PPARD: variants seen among roughly 807,000 people sequenced by gnomAD.
PPARD encodes peroxisome proliferator-activated receptor delta.
In PPARD, 6 loss-of-function variants were observed where a neutral mutation model predicts 39.5. The observed-to-expected ratio is 0.15, with a 90% CI of 0.08 to 0.30. PPARD has a LOEUF of 0.30. Among genes scored for constraint, PPARD ranks in the 10% least tolerant of loss-of-function variants. The probability of loss-of-function intolerance (pLI) is 1.00; values close to 1 mark genes in which losing one functional copy is unlikely to be tolerated. For missense variants in PPARD, 397 were observed against 596.8 expected (o/e 0.67, Z 3.49); for synonymous variants, 210 against 231.3 (o/e 0.91, Z 0.83).
intron 2 of PPARD, among the ~76,000 whole-genome samples, chr6:35,355,280 T>A (rs1761505908): frequency 6.6e-6 from 1 of 151,986 alleles, no homozygotes; most frequent in Non-Finnish European, 1.5e-5. Context: ...GGAAACCCCA[T>A]CTATACTAAA....
Position 35,424,524 on chromosome 6 carries a change from C to T in PPARD, c.823C>T (p.Leu275Phe). The T allele has an allele frequency of 6.2e-7, 1 of 1,614,230 alleles. No individual in the cohort carries two copies. The highest frequency in any genetic ancestry group is 1.1e-5 in the South Asian group (1 of 91,086). The change falls in exon 7 of 8, where the codon CTC (leucine) becomes TTC (phenylalanine). Residue 275 changes from leucine to phenylalanine, a missense_variant. By Grantham distance (22) the Leu-to-Phe change is conservative (BLOSUM62 0). Transcript: ENST00000360694. This position sits in a 1 kb window ranked among gnomAD's most constrained non-coding sequence, Gnocchi z 7.1. ...KSIPSFSSLF[L>F]NDQVTLLKYG... ...CATCCCCAGCTTCAGCAGCCTCTTC[C>T]TCAACGACCAGGTTACCCTTCTCAA...
At chr6:35,404,714 G>A (rs1764917084) in intron 2 of PPARD, among the ~76,000 whole-genome samples, 2 of 152,200 alleles carry the variant, frequency 1.3e-5, no homozygotes, top group South Asian at 4.1e-4. Flanking sequence ...GACTTGGTGG[G>A]AAGGACTGGG....
intron 2 of PPARD, among the ~76,000 whole-genome samples, chr6:35,391,294 A>G (rs1307433495): frequency 6.6e-6 from 1 of 152,278 alleles, no homozygotes; most frequent in African/African-American, 2.4e-5. Flanking sequence ...AGTTAAAAGA[A>G]TAAAACAATG....
chr6:35,394,280 C>T (rs901227388), intron 2 of PPARD, among the ~76,000 whole-genome samples: 1 of 152,198 alleles, frequency 6.6e-6, no homozygotes, highest in African/African-American at 2.4e-5. Flanking sequence ...GGCCATCCTG[C>T]CATGGCACCA....
intron 2 of PPARD, among the ~76,000 whole-genome samples, chr6:35,386,857 C>T (rs1763693507): frequency 6.6e-6 from 1 of 152,060 alleles, no homozygotes; most frequent in South Asian, 2.1e-4. Context: ...CTGTCTTGTG[C>T]TGTGTGGGAC....
At chr6:35,350,689 G>A (rs1175482905) in intron 2 of PPARD, among the ~76,000 whole-genome samples, 3 of 97,048 alleles carry the variant, frequency 3.1e-5, no homozygotes, top group Non-Finnish European at 5.6e-5. Context: ...GGCGTGGCGT[G>A]ATGTTGGCTC....
intron 2 of PPARD, among the ~76,000 whole-genome samples, chr6:35,403,887 G>A (rs571399760): frequency 6.6e-6 from 1 of 152,216 alleles, no homozygotes; most frequent in African/African-American, 2.4e-5. Flanking sequence ...GGAGTGATGT[G>A]GGATCATGAG....
rs9462076 is a variant in PPARD, at chr6:35,366,022, C to A, written c.-102+18872C>A. ...ATCTGAGTGGGCCTTGCAGGCCTGG[C>A]AGAATTTCAGCAGGCTGAGATGTTG... On this transcript the variant is annotated intron_variant, in intron 2 of 7. Coordinates refer to ENST00000360694, the MANE Select transcript of PPARD (RefSeq NM_006238.5). The surrounding 1 kb of genome is among the most constrained non-coding windows in gnomAD (Gnocchi z 4.6). 0.052 allele frequency among the ~76,000 whole-genome samples: 7,917 copies of A among 151,628 alleles called. 926 individuals are homozygous for A. Among genetic ancestry groups the A allele is most frequent in the African/African-American group, 0.18 (7,392 of 40,948 alleles).
intron 2 of PPARD, among the ~76,000 whole-genome samples, chr6:35,349,251 T>C (rs892103958): frequency 1.3e-5 from 2 of 152,050 alleles, no homozygotes; most frequent in African/African-American, 4.8e-5. Context: ...GGTCTCGATC[T>C]CCTGACCTCG....
At chr6:35,383,943 G>T (rs1763344766) in intron 2 of PPARD, among the ~76,000 whole-genome samples, 1 of 126,550 alleles carries the variant, frequency 7.9e-6, no homozygotes, top group South Asian at 2.2e-4. Context: ...GAGGTGGGGG[G>T]GGTCAGCCCC....
intron 2 of PPARD, among the ~76,000 whole-genome samples, chr6:35,406,916 G>C (rs1765090473): frequency 6.6e-6 from 1 of 152,154 alleles, no homozygotes. Context: ...GCCGTTTTCT[G>C]CTTCGTCCTC....
chr6:35,364,744 G>T (rs1203878985), intron 2 of PPARD, among the ~76,000 whole-genome samples: 1 of 149,746 alleles, frequency 6.7e-6, no homozygotes, highest in East Asian at 2.0e-4. Flanking sequence ...TTGAGACGGG[G>T]TCTCACTCTG....
At chr6:35,418,904 C>T (rs749894092) in intron 3 of PPARD, among the ~76,000 whole-genome samples, 4 of 152,168 alleles carry the variant, frequency 2.6e-5, no homozygotes, top group Non-Finnish European at 5.9e-5. Context: ...GGCTTTCCTG[C>T]TGCCACTCCT....
intron 2 of PPARD, among the ~76,000 whole-genome samples, chr6:35,387,424 A>G (rs542207350): frequency 6.6e-6 from 1 of 152,196 alleles, no homozygotes; most frequent in Admixed American, 6.5e-5. Flanking sequence ...ATGTTTATTA[A>G]TACAAAATAA....
chr6:35,380,459 G>GTTTTTTTTTTGTTTT (rs1763068630), intron 2 of PPARD, among the ~76,000 whole-genome samples: 1 of 97,114 alleles, frequency 1.0e-5, no homozygotes, highest in African/African-American at 3.4e-5. Context: ...TTAACCTCGT[G>GTTTTTTTTTTGTTTT]TTTTTTTTTT....
In PPARD at chr6:35,353,462, A is replaced by C. The variant is rs374838799; in HGVS notation, c.-102+6312A>C. ...TATCCATTTAGGGCTGTTGATGCAC[A>C]GGAGAGATTAAGAGTTCACAAACTT... On this transcript the variant is annotated intron_variant, in intron 2 of 7. Coordinates refer to ENST00000360694, the MANE Select transcript of PPARD (RefSeq NM_006238.5). 2.6e-5 allele frequency among the ~76,000 whole-genome samples: 4 copies of C among 152,346 alleles called. No individual in the cohort carries two copies. In the South Asian group the frequency reaches 8.3e-4, roughly 32 times the overall value.
At chr6:35,371,744 G>GA (rs1236845909) in intron 2 of PPARD, among the ~76,000 whole-genome samples, 1 of 152,130 alleles carries the variant, frequency 6.6e-6, no homozygotes, top group Non-Finnish European at 1.5e-5. Context: ...ACCTTGTTTG[G>GA]AAAAAAACTC....
At chr6:35,416,354 A>G in intron 3 of PPARD, among the ~76,000 whole-genome samples, 1 of 118,040 alleles carries the variant, frequency 8.5e-6, no homozygotes, top group African/African-American at 3.2e-5. Flanking sequence ...AGCCTGGGGA[A>G]CAAAAGCGAG....
chr6:35,348,903 A>G, intron 2 of PPARD: 1 of 985,316 alleles, frequency 1.0e-6, no homozygotes, highest in South Asian at 4.7e-5. Flanking sequence ...TTGCTTTGCC[A>G]TTTGCTTTAG....
Sources: allele counts gnomAD v4.1 joint callset (sites outside exome capture counted in the v4.1 genomes callset), GRCh38; gene constraint gnomAD v4.1.1; non-coding constraint Gnocchi (gnomAD v3.1); transcripts MANE v1.5; gene names NCBI Gene and HGNC (gene_info 2026-07-23, HGNC 2026-07-21).